Variants in IL1RAPL2 observed in about 807,000 individuals in gnomAD.
The protein encoded by IL1RAPL2 is X-linked interleukin-1 receptor accessory protein-like 2.
In IL1RAPL2, 3 loss-of-function variants were observed where a neutral mutation model predicts 44.1. The observed-to-expected ratio is 0.07, with a 90% CI of 0.03 to 0.18. The LOEUF is 0.18. Ranked by LOEUF, IL1RAPL2 falls within the 10% of genes least tolerant of loss-of-function variation. The pLI, the probability that IL1RAPL2 is intolerant of heterozygous loss-of-function variation, is 1.00. For missense variants in IL1RAPL2, 391 were observed against 496.4 expected (o/e 0.79, Z 2.02); for synonymous variants, 181 against 178.8 (o/e 1.01, Z -0.10).
chrX:104,588,461 T>C (rs1469530945), intron 1 of IL1RAPL2, among the ~76,000 whole-genome samples: 1 of 111,770 alleles, frequency 8.9e-6, no homozygotes, highest in Non-Finnish European at 1.9e-5. Context: ...AAAGTTCATC[T>C]TTTTGAAACT....
At chrX:104,685,982 AAG>A (rs1198333243) in intron 2 of IL1RAPL2, among the ~76,000 whole-genome samples, 8 of 110,938 alleles carry the variant, frequency 7.2e-5, no homozygotes, top group African/African-American at 2.0e-4. Flanking sequence ...CTTAAAAAAA[AAG>A]AACATCCACA....
At chrX:105,185,159 A>G (rs1398693743) in intron 2 of IL1RAPL2, among the ~76,000 whole-genome samples, 1 of 111,912 alleles carries the variant, frequency 8.9e-6, no homozygotes, top group Non-Finnish European at 1.9e-5. Context: ...ATCTATGTAT[A>G]TAAGAGCCTA....
At chrX:105,294,530 A>T (rs1162427045) in intron 5 of IL1RAPL2, among the ~76,000 whole-genome samples, 1 of 112,339 alleles carries the variant, frequency 8.9e-6, no homozygotes, top group African/African-American at 3.2e-5. Flanking sequence ...AAAGTAAGCC[A>T]AATGAAAAAG....
At chrX:105,766,846 G>A in intron 10 of IL1RAPL2, 118 bp from the exon 11 acceptor site, 1 of 472,766 alleles carries the variant, frequency 2.1e-6, no homozygotes, top group Non-Finnish European at 3.6e-6. Context: ...TACAAGAAAA[G>A]AAAATGTGAT....
chrX:104,677,751 T>C (rs1930805062), intron 2 of IL1RAPL2, among the ~76,000 whole-genome samples: 1 of 111,799 alleles, frequency 8.9e-6, no homozygotes, highest in African/African-American at 3.2e-5. Context: ...TCAGCGAGAC[T>C]CCGTGGGGTA....
At chrX:105,278,980 T>A (rs1203559604) in intron 5 of IL1RAPL2, among the ~76,000 whole-genome samples, 1 of 111,525 alleles carries the variant, frequency 9.0e-6, no homozygotes, top group Non-Finnish European at 1.9e-5. Flanking sequence ...CCTCATCTTA[T>A]AATCGCCTAT....
chrX:105,172,349 T>C (rs1432722072), intron 2 of IL1RAPL2, among the ~76,000 whole-genome samples: 2 of 112,459 alleles, frequency 1.8e-5, no homozygotes, highest in Non-Finnish European at 3.8e-5. Flanking sequence ...CTTACAGTTT[T>C]GTATGTCAGA....
chrX:104,990,775 C>T (rs2030647159), intron 2 of IL1RAPL2, among the ~76,000 whole-genome samples: 1 of 111,295 alleles, frequency 9.0e-6, no homozygotes. Context: ...AGTTGAAAGA[C>T]CTGTGTTGCA....
rs984638012 is a variant in IL1RAPL2, at chrX:105,603,345, T to G, written c.773-114022T>G. Reference sequence around the variant, plus strand: ...GAAAGTGAAGGGATGTAACATGATATTTTACAAAAATGGAAACCAAAAATG... The same window carrying G: ...GAAAGTGAAGGGATGTAACATGATAGTTTACAAAAATGGAAACCAAAAATG... On this transcript the variant is annotated intron_variant, in intron 6 of 10. Coordinates refer to ENST00000372582, the MANE Select transcript of IL1RAPL2 (RefSeq NM_017416.2). Among the ~76,000 whole-genome samples the G allele has an allele frequency of 2.7e-5, 3 of 110,576 alleles. No individual in the cohort carries two copies. The East Asian group carries it at 8.5e-4, about 31-fold the overall frequency.
chrX:105,609,920 G>A lies in IL1RAPL2; in HGVS notation c.773-107447G>A, dbSNP rs771373225. Reference sequence around the variant, plus strand: ...GATAACAGTCTAATTTATTGCAGTAGGTGTTCATTTTACTTCAGGTATTTT... The same window carrying A: ...GATAACAGTCTAATTTATTGCAGTAAGTGTTCATTTTACTTCAGGTATTTT... On this transcript the variant is annotated intron_variant, in intron 6 of 10. Transcript: ENST00000372582. Among the ~76,000 whole-genome samples, 10 of 111,864 alleles carry A rather than the reference G, an allele frequency of 8.9e-5. No homozygotes were observed. The South Asian group carries it at 3.7e-3, about 42-fold the overall frequency.
chrX:104,613,752 C>T (rs374823755), intron 1 of IL1RAPL2, among the ~76,000 whole-genome samples: 124 of 107,794 alleles, frequency 1.2e-3, no homozygotes, highest in Middle Eastern at 4.8e-3. Flanking sequence ...TTGTATCCAC[C>T]GTGATTTGTA....
chrX:105,428,020 A>T (rs1266085741), intron 5 of IL1RAPL2, among the ~76,000 whole-genome samples: 3 of 112,195 alleles, frequency 2.7e-5, no homozygotes, highest in Non-Finnish European at 3.8e-5. Flanking sequence ...AATAAAATAG[A>T]AATTGTGAAT....
chrX:105,657,068 C>T (rs2037682081), intron 6 of IL1RAPL2, among the ~76,000 whole-genome samples: 1 of 111,652 alleles, frequency 9.0e-6, no homozygotes, highest in African/African-American at 3.3e-5. Context: ...TACTATGACT[C>T]TGACTCTGAC....
chrX:105,651,577 A>C (rs765475257), intron 6 of IL1RAPL2, among the ~76,000 whole-genome samples: 1 of 111,486 alleles, frequency 9.0e-6, no homozygotes, highest in African/African-American at 3.3e-5. Flanking sequence ...TATTTGCACT[A>C]TGTCCCCCAA....
intron 2 of IL1RAPL2, among the ~76,000 whole-genome samples, chrX:105,006,133 T>C (rs1022544056): frequency 9.0e-6 from 1 of 110,991 alleles, no homozygotes; most frequent in Non-Finnish European, 1.9e-5. Flanking sequence ...ATTATCATCA[T>C]TTGCAAATGC....
chrX:104,783,133 G>T (rs748198224), intron 2 of IL1RAPL2, among the ~76,000 whole-genome samples: 24 of 112,116 alleles, frequency 2.1e-4, no homozygotes, highest in African/African-American at 6.8e-4. Context: ...TGTTAACATA[G>T]AAGCAGTAGA....
At chrX:105,212,228 C>T (rs2033813464) in intron 3 of IL1RAPL2, among the ~76,000 whole-genome samples, 1 of 112,483 alleles carries the variant, frequency 8.9e-6, no homozygotes, top group African/African-American at 3.2e-5. Context: ...GAAATTCTCA[C>T]TGCCAGCACA....
intron 6 of IL1RAPL2, among the ~76,000 whole-genome samples, chrX:105,493,103 T>G (rs1055369230): frequency 8.9e-6 from 1 of 112,483 alleles, no homozygotes; most frequent in African/African-American, 3.2e-5. Context: ...ATTGCATGTA[T>G]AAGTACTTCA....
chrX:105,053,155 G>A (rs899710595), intron 2 of IL1RAPL2, among the ~76,000 whole-genome samples: 2 of 110,895 alleles, frequency 1.8e-5, no homozygotes, highest in Admixed American at 9.7e-5. Context: ...TGTACTGCCT[G>A]AAGAAGTTAC....
Sources: allele counts gnomAD v4.1 joint callset (sites outside exome capture counted in the v4.1 genomes callset), GRCh38; gene constraint gnomAD v4.1.1; transcripts MANE v1.5; gene names NCBI Gene and HGNC (gene_info 2026-07-23, HGNC 2026-07-21).